The following TAF4B variants were observed in gnomAD, a reference collection of about 807,000 sequenced individuals.
The protein encoded by TAF4B is transcription initiation factor TFIID subunit 4B.
A neutral mutation model predicts 86.4 loss-of-function variants in TAF4B; 38 were observed. The observed-to-expected ratio is 0.44, with a 90% CI of 0.34 to 0.58. The LOEUF (loss-of-function observed/expected upper bound fraction) is 0.58, where lower values mean the gene tolerates loss of function less well. Ranked by LOEUF, TAF4B falls within the 20% of genes least tolerant of loss-of-function variation. The probability of loss-of-function intolerance (pLI) is 0.02; values close to 1 mark genes in which losing one functional copy is unlikely to be tolerated. For missense variants in TAF4B, 988 were observed against 1,027.6 expected, an observed-to-expected ratio of 0.96 and a Z score of 0.53; for synonymous variants, 388 against 391.2, an observed-to-expected ratio of 0.99 and a Z score of 0.10.
rs80088228 is a variant in TAF4B at position 26,344,672 on chromosome 18, G to A, written c.2316+9441G>A. ...CTATTCTGCTTTTGAATTAAAGTAT[G>A]TTTAAGTGAAAGCAGATTTGAGGAC... is the stretch of plus-strand genomic sequence containing the variant. On this transcript the variant is annotated intron_variant, in intron 13 of 14. Coordinates refer to ENST00000269142, the MANE Select transcript of TAF4B (RefSeq NM_005640.3). Among the ~76,000 whole-genome samples the A allele has an allele frequency of 6.3e-4, 96 of 152,332 alleles. 1 individual carries two copies. The East Asian group carries it at 9.6e-3, about 15-fold the overall frequency.
chr18:26,252,963 A>G (rs2056028615), intron 1 of TAF4B, among the ~76,000 whole-genome samples: 1 of 152,136 alleles, frequency 6.6e-6, no homozygotes, highest in South Asian at 2.1e-4. Flanking sequence ...GGTTTTAGGC[A>G]TCCACTGAGA....
intron 1 of TAF4B, among the ~76,000 whole-genome samples, chr18:26,229,209 G>A (rs1214942919): frequency 3.9e-5 from 6 of 152,258 alleles, no homozygotes; most frequent in South Asian, 4.2e-4. Context: ...TATGTTCCTA[G>A]CACTGTATTA....
intron 7 of TAF4B, among the ~76,000 whole-genome samples, chr18:26,291,456 C>A (rs2056591638): frequency 6.6e-6 from 1 of 151,984 alleles, no homozygotes; most frequent in Non-Finnish European, 1.5e-5. Flanking sequence ...CCTGTAATCC[C>A]AGCATTTTGG....
At chr18:26,330,694 G>T (rs1414714289) in intron 12 of TAF4B, among the ~76,000 whole-genome samples, 1 of 152,098 alleles carries the variant, frequency 6.6e-6, no homozygotes, top group Non-Finnish European at 1.5e-5. Context: ...ATAAAACCGT[G>T]AGTTCATATG....
In TAF4B at chr18:26,237,783, C is replaced by T. The variant is rs112883760; in HGVS notation, c.343+10507C>T. ...ACTTCCCTCAGTTGGCCATTTTTCC[C>T]CATCAGAGAGAGAATACTGGGGCCA... On this transcript the variant is annotated intron_variant, in intron 1 of 14. Coordinates refer to ENST00000269142, the MANE Select transcript of TAF4B (RefSeq NM_005640.3). Among the ~76,000 whole-genome samples, 818 of 152,180 alleles carry T rather than the reference C, an allele frequency of 5.4e-3. 7 individuals are homozygous for T. Among genetic ancestry groups the T allele is most frequent in the African/African-American group, 0.018 (763 of 41,494 alleles).
chr18:26,382,339 C>G (rs999843292), intron 14 of TAF4B, among the ~76,000 whole-genome samples: 1 of 152,182 alleles, frequency 6.6e-6, no homozygotes, highest in Non-Finnish European at 1.5e-5. Context: ...AGGTTGTCAG[C>G]TTGGCCATAG....
intron 14 of TAF4B, among the ~76,000 whole-genome samples, chr18:26,375,175 G>A (rs2057434515): frequency 6.6e-6 from 1 of 152,118 alleles, no homozygotes; most frequent in African/African-American, 2.4e-5. Context: ...TACAACATGT[G>A]GCCTTTTGTG....
chr18:26,333,731 T>C (rs17224621), intron 12 of TAF4B, among the ~76,000 whole-genome samples: 1 of 152,174 alleles, frequency 6.6e-6, no homozygotes, highest in Non-Finnish European at 1.5e-5. Flanking sequence ...TCAGCAATTA[T>C]TTGTTTTGTA....
intron 13 of TAF4B, among the ~76,000 whole-genome samples, chr18:26,355,756 CTTG>C (rs1175096452): frequency 2.0e-5 from 3 of 152,124 alleles, no homozygotes; most frequent in African/African-American, 2.4e-5. Flanking sequence ...TAAAATATAG[CTTG>C]TTGTTTGATT....
chr18:26,367,618 A>T (rs2057380366), intron 14 of TAF4B, among the ~76,000 whole-genome samples: 2 of 152,194 alleles, frequency 1.3e-5, no homozygotes, highest in Non-Finnish European at 2.9e-5. Context: ...TCTTATAGAC[A>T]CACAGAAACA....
chr18:26,376,054 A>G (rs2057440462), intron 14 of TAF4B, among the ~76,000 whole-genome samples: 1 of 152,136 alleles, frequency 6.6e-6, no homozygotes, highest in African/African-American at 2.4e-5. Context: ...ATTCTATTTC[A>G]TCAATCTATG....
intron 7 of TAF4B, among the ~76,000 whole-genome samples, chr18:26,290,616 T>G (rs1275390107): frequency 6.6e-6 from 1 of 152,180 alleles, no homozygotes; most frequent in Non-Finnish European, 1.5e-5. Flanking sequence ...TTTTTGTGAT[T>G]AGGCATACAA....
intron 6 of TAF4B, among the ~76,000 whole-genome samples, chr18:26,285,222 G>GTTTTTTTTTTTTGTTTTTTTTTT (rs2056501259): frequency 2.4e-4 from 11 of 45,658 alleles, no homozygotes; most frequent in Admixed American, 3.1e-4. Flanking sequence ...TTTTTTTTTT[G>GTTTTTTTTTTTTGTTTTTTTTTT]TTTTTTTTTT....
At chr18:26,276,781 G>C (rs766174389) in intron 5 of TAF4B, among the ~76,000 whole-genome samples, 13 of 152,098 alleles carry the variant, frequency 8.5e-5, no homozygotes, top group African/African-American at 1.9e-4. Flanking sequence ...ATGATGACTT[G>C]TTTCTCTGAA....
intron 9 of TAF4B, among the ~76,000 whole-genome samples, chr18:26,309,100 T>C (rs1486968369): frequency 6.6e-6 from 1 of 151,874 alleles, no homozygotes; most frequent in African/African-American, 2.4e-5. Context: ...CAGGAACTTG[T>C]ATTTTAAAAA....
chr18:26,274,008 A>G (rs1472895028), intron 3 of TAF4B, among the ~76,000 whole-genome samples: 1 of 152,062 alleles, frequency 6.6e-6, no homozygotes, highest in Non-Finnish European at 1.5e-5. Context: ...CTTTATCTCA[A>G]TGTGATTTTC....
chr18:26,364,298 A>T (rs2057353682), intron 14 of TAF4B, among the ~76,000 whole-genome samples: 1 of 152,184 alleles, frequency 6.6e-6, no homozygotes, highest in Non-Finnish European at 1.5e-5. Context: ...AGGGTGGAAA[A>T]ATAGTTAAAA....
chr18:26,335,320 T>A, intron 13 of TAF4B, 89 bp downstream of exon 13: 2 of 1,149,696 alleles, frequency 1.7e-6, no homozygotes, highest in Non-Finnish European at 2.6e-6. Context: ...TTTATTTTGC[T>A]GTTGCATACC....
intron 9 of TAF4B, among the ~76,000 whole-genome samples, chr18:26,306,593 A>G (rs1244468965): frequency 1.3e-5 from 2 of 152,166 alleles, no homozygotes; most frequent in Non-Finnish European, 2.9e-5. Flanking sequence ...TTGGAAAAGG[A>G]GTATTTATAA....
Sources: allele counts gnomAD v4.1 joint callset (sites outside exome capture counted in the v4.1 genomes callset), GRCh38; gene constraint gnomAD v4.1.1; transcripts MANE v1.5; gene names NCBI Gene and HGNC (gene_info 2026-07-23, HGNC 2026-07-21).